Variants in CPAMD8 observed in about 807,000 individuals in gnomAD.
CPAMD8 encodes C3 and PZP-like alpha-2-macroglobulin domain-containing protein 8.
In CPAMD8, 146 loss-of-function variants were observed where a neutral mutation model predicts 224.7. That is an observed-to-expected ratio of 0.65 (90% CI 0.57 to 0.75). CPAMD8 has a LOEUF of 0.75. Among genes scored for constraint, CPAMD8 ranks in the 30% least tolerant of loss-of-function variants. The probability of loss-of-function intolerance (pLI) is 0.00; values close to 1 mark genes in which losing one functional copy is unlikely to be tolerated. For missense variants in CPAMD8, 2,301 were observed against 2,537.5 expected (o/e 0.91, Z 2.00); for synonymous variants, 966 against 1,044.6 (o/e 0.92, Z 1.45).
intron 3 of CPAMD8, among the ~76,000 whole-genome samples, chr19:17,018,219 T>C (rs552246184): frequency 6.6e-6 from 1 of 152,086 alleles, no homozygotes; most frequent in Non-Finnish European, 1.5e-5. Context: ...TGGTAAAAGT[T>C]AAGGAATAGC....
At chr19:17,025,027 C>G (rs989840984) in intron 1 of CPAMD8, among the ~76,000 whole-genome samples, 1 of 152,226 alleles carries the variant, frequency 6.6e-6, no homozygotes, top group Admixed American at 6.5e-5. Context: ...CCCAGTGTGT[C>G]TCTCAGCACA....
In CPAMD8 at chr19:16,904,506, C is replaced by G; in HGVS notation, c.4074G>C (p.Lys1358Asn). Residue 1358 changes from lysine (K) to asparagine (N), a missense_variant, in exon 31 of 42, where the codon AAG (lysine) becomes AAC (asparagine). Coordinates refer to ENST00000443236, the MANE Select transcript of CPAMD8 (RefSeq NM_015692.5). ...TGTCACTGAAGCTCAAGAATGTGCCCTTGTCCACGTCCCAGGAATTTGACA... is the reference window on the plus strand; with the variant it reads ...TGTCACTGAAGCTCAAGAATGTGCCGTTGTCCACGTCCCAGGAATTTGACA... ...WSLSNSWDVDKGTFLSFSDRV... is the reference protein window; with the variant it reads ...WSLSNSWDVDNGTFLSFSDRV... 1 of 1,614,142 alleles carries G rather than the reference C, an allele frequency of 6.2e-7. No homozygotes were observed. Among genetic ancestry groups the G allele is most frequent in the Non-Finnish European group, 8.5e-7 (1 of 1,179,994 alleles).
chr19:16,896,566 GGGTTCCCCT>G lies in CPAMD8; in HGVS notation c.5156_5164del (p.Gln1719_Asn1721del). 6.6e-7 allele frequency: 1 copy of G among 1,509,612 alleles called. No homozygotes were observed. The highest frequency in any genetic ancestry group is 8.8e-7 in the Non-Finnish European group (1 of 1,135,706). The allele number at this position is 1,509,612 out of a possible 1,614,324, so 93.5% of individuals were successfully genotyped here. A position where few individuals can be genotyped will look rare whatever the true frequency, so the allele number is the denominator to read the frequency against. On this transcript the variant is annotated inframe_deletion, in exon 40 of 42. Coordinates refer to ENST00000443236, the MANE Select transcript of CPAMD8 (RefSeq NM_015692.5). ...GACCACCCCGTCGGAGCCGCACACC[GGGTTCCCCT>G]GGGCGCCGCAGTCGTGGTCGCAGCC...
intron 41 of CPAMD8, chr19:16,894,392 G>C (rs1037729224): frequency 2.2e-6 from 1 of 456,658 alleles, no homozygotes; most frequent in Admixed American, 2.3e-5. Context: ...AGATGGTGTC[G>C]TCCTGCTCTC....
At chr19:17,007,491 C>T (rs544306270) in intron 7 of CPAMD8, among the ~76,000 whole-genome samples, 8 of 149,264 alleles carry the variant, frequency 5.4e-5, no homozygotes, top group Non-Finnish European at 1.0e-4. Context: ...GAGAATAAGA[C>T]GAAGAGAAGG....
intron 1 of CPAMD8, among the ~76,000 whole-genome samples, chr19:17,022,525 G>T (rs1330002353): frequency 6.6e-6 from 1 of 150,448 alleles, no homozygotes; most frequent in Admixed American, 6.6e-5. Flanking sequence ...TGGAGACAGA[G>T]TGTTGCTCTG....
At chr19:16,922,284 C>A (rs2053204787) in intron 26 of CPAMD8, among the ~76,000 whole-genome samples, 4 of 151,726 alleles carry the variant, frequency 2.6e-5, no homozygotes, top group Admixed American at 2.6e-4. Context: ...TGCCCTGTGT[C>A]ACATCTGGGG....
intron 11 of CPAMD8, among the ~76,000 whole-genome samples, chr19:16,996,606 G>A (rs1184062932): frequency 6.6e-6 from 1 of 151,986 alleles, no homozygotes; most frequent in Non-Finnish European, 1.5e-5. Context: ...TTCACTTGAG[G>A]CCAGGAGTTC....
chr19:16,950,213 G>A (rs577428639), intron 20 of CPAMD8, among the ~76,000 whole-genome samples: 29 of 152,168 alleles, frequency 1.9e-4, no homozygotes, highest in Admixed American at 5.2e-4. Flanking sequence ...CAGGAGAATC[G>A]CTTGAACCCG....
In CPAMD8 at chr19:16,976,006, G is replaced by A. The variant is rs2122704248; in HGVS notation, c.1904C>T (p.Ala635Val). 2 of 1,592,928 alleles carry A rather than the reference G, an allele frequency of 1.3e-6. No homozygotes were observed. The highest frequency in any genetic ancestry group is 1.3e-5 in the African/African-American group (1 of 74,238). ...AAGCCCGAGGGGTCTGCTCACCTGG[G>A]CAGGAGTCAGCCGGAACCCAGACCT... is the stretch of plus-strand genomic sequence containing the variant. ...LLRSGFRLTP[A>V]QVFQELEDYD... The change falls in exon 16 of 42, where the codon GCC (alanine) becomes GTC (valine). Residue 635 changes from alanine (A) to valine (V), a missense_variant. Around this residue, in one of 4 missense-constraint regions of CPAMD8, gnomAD observed 1,709 missense variants for 1,753.2 expected, o/e 0.97. Transcript: ENST00000443236.
chr19:16,941,494 A>G (rs1024792768), intron 22 of CPAMD8, among the ~76,000 whole-genome samples: 14 of 152,092 alleles, frequency 9.2e-5, no homozygotes, highest in African/African-American at 3.4e-4. Context: ...TAGAGACAGA[A>G]CCAGATCCAT....
intron 5 of CPAMD8, among the ~76,000 whole-genome samples, chr19:17,010,853 T>C (rs1025268579): frequency 6.6e-6 from 1 of 151,706 alleles, no homozygotes; most frequent in African/African-American, 2.4e-5. Context: ...TGAAACCCCA[T>C]CTCTACTAAA....
At chr19:16,916,498 C>T (rs2052965649) in intron 27 of CPAMD8, among the ~76,000 whole-genome samples, 1 of 152,132 alleles carries the variant, frequency 6.6e-6, no homozygotes, top group African/African-American at 2.4e-5. Flanking sequence ...GTGATCCTCC[C>T]ACCTTGGCTT....
At chr19:16,997,370 C>T in intron 10 of CPAMD8, 32 bp from the exon 11 acceptor site, 1 of 1,315,680 alleles carries the variant, frequency 7.6e-7, no homozygotes, top group Non-Finnish European at 1.1e-6. Flanking sequence ...CCCGTGCTCA[C>T]TCAGGGTTGG....
intron 18 of CPAMD8, among the ~76,000 whole-genome samples, chr19:16,961,304 C>A (rs769362586): frequency 2.0e-5 from 3 of 152,270 alleles, no homozygotes; most frequent in Non-Finnish European, 4.4e-5. Context: ...ACAGGACACT[C>A]TCGCCCAAAT....
intron 17 of CPAMD8, among the ~76,000 whole-genome samples, chr19:16,971,611 G>C (rs2055065447): frequency 6.6e-6 from 1 of 152,102 alleles, no homozygotes; most frequent in South Asian, 2.1e-4. Context: ...GGGAGTAATT[G>C]CTACTGGGGA....
At position 16,929,151 on chromosome 19, in the gene CPAMD8, C is replaced by T. The variant is rs373589968; in HGVS notation, c.2935G>A (p.Ala979Thr). The T allele has an allele frequency of 1.9e-6, 3 of 1,613,968 alleles. No homozygotes were observed. The African/African-American group carries it at 4.0e-5, about 22-fold the overall frequency. Residue 979 changes from alanine (A) to threonine (T), a missense_variant, in exon 24 of 42, where the codon GCT (alanine) becomes ACT (threonine). By Grantham distance (58) the Ala-to-Thr change is moderately conservative. This residue lies in a region of CPAMD8 where 1,709 missense variants were observed against 1,753.2 expected (regional missense o/e 0.97). Coordinates refer to ENST00000443236, the MANE Select transcript of CPAMD8 (RefSeq NM_015692.5). ...RLTRFDVAVRAHNDARVALSS... is the reference protein window; with the variant it reads ...RLTRFDVAVRTHNDARVALSS... Reference sequence around the variant, plus strand: ...AAGGCCACACGGGCATCATTGTGAGCTCGCACAGCCACATCAAAGCGGGTG... The same window carrying T: ...AAGGCCACACGGGCATCATTGTGAGTTCGCACAGCCACATCAAAGCGGGTG...
rs2053463567 is a variant in CPAMD8 at position 16,929,047 on chromosome 19, G to A, written c.3039C>T (p.Ser1013=). ...GGHQNTRSWI[S]TSKMGEPVAS... is the part of the protein sequence containing the mutation. ...CCACGGGCTCTCCCATCTTGCTGGTGGAGATCCATGACCTGGTGTTCTGAT... is the reference window on the plus strand; with the variant it reads ...CCACGGGCTCTCCCATCTTGCTGGTAGAGATCCATGACCTGGTGTTCTGAT... The change falls in exon 24 of 42, where the codon TCC becomes TCT. Residue 1013 remains serine, a synonymous_variant. Coordinates refer to ENST00000443236, the MANE Select transcript of CPAMD8 (RefSeq NM_015692.5). 6.2e-7 allele frequency: 1 copy of A among 1,613,856 alleles called. No individual in the cohort carries two copies. Among genetic ancestry groups the A allele is most frequent in the Non-Finnish European group, 8.5e-7 (1 of 1,179,746 alleles).
At chr19:16,929,317 G>C in intron 23 of CPAMD8, 77 bp from the exon 24 acceptor site, 2 of 1,215,206 alleles carry the variant, frequency 1.6e-6, no homozygotes, top group East Asian at 2.4e-5. Flanking sequence ...ACCTGGAGGT[G>C]AGCACCAGGA....
Sources: allele counts gnomAD v4.1 joint callset (sites outside exome capture counted in the v4.1 genomes callset), GRCh38; gene constraint gnomAD v4.1.1; regional missense constraint gnomAD v4.1.1; transcripts MANE v1.5; gene names NCBI Gene and HGNC (gene_info 2026-07-23, HGNC 2026-07-21).